MYO5B: variants seen among roughly 807,000 people sequenced by gnomAD.
MYO5B encodes the protein myosin VB.
In MYO5B, 143 loss-of-function variants were observed where a neutral mutation model predicts 229.3. The ratio of observed to expected loss-of-function variants is 0.62; its 90% confidence interval spans 0.54 to 0.72. MYO5B has a LOEUF of 0.72. MYO5B is among the 30% of genes least tolerant of loss of function. The pLI, the probability that MYO5B is intolerant of heterozygous loss-of-function variation, is 0.00. For missense variants in MYO5B, 2,321 were observed against 2,331.0 expected (o/e 1.00, Z 0.09); for synonymous variants, 918 against 885.2 (o/e 1.04, Z -0.66).
chr18:49,934,834 T>C (rs894225819), intron 16 of MYO5B, among the ~76,000 whole-genome samples: 13 of 152,208 alleles, frequency 8.5e-5, no homozygotes, highest in Non-Finnish European at 1.5e-4. Flanking sequence ...CTTTATTACA[T>C]GACCAGAGTG....
chr18:49,898,997 G>C (rs975124875), intron 21 of MYO5B, among the ~76,000 whole-genome samples: 3 of 152,140 alleles, frequency 2.0e-5, no homozygotes, highest in African/African-American at 7.2e-5. Context: ...TGTTACCTTA[G>C]AGATCTCAGG....
At chr18:49,962,847 A>T (rs1210021571) in intron 11 of MYO5B, 102 bp downstream of exon 11, 21 of 994,678 alleles carry the variant, frequency 2.1e-5, no homozygotes, top group Non-Finnish European at 2.9e-5. Context: ...ATCAGAACGT[A>T]GCCAGGGCCC....
At position 50,100,590 on chromosome 18, in the gene MYO5B, C is replaced by T. The variant is rs576935361; in HGVS notation, c.28-45212G>A. Reference sequence around the variant, plus strand: ...TCTCTCCTCTTTCCCCAAAGCACATCGTACTGACTGGTCAGGGTCCAAGAC... The same window carrying T: ...TCTCTCCTCTTTCCCCAAAGCACATTGTACTGACTGGTCAGGGTCCAAGAC... On this transcript the variant is annotated intron_variant, in intron 1 of 39. Transcript: ENST00000285039. Among the ~76,000 whole-genome samples the T allele has an allele frequency of 1.1e-4, 16 of 152,280 alleles. No individual in the cohort carries two copies. The South Asian group carries it at 1.2e-3, about 12-fold the overall frequency.
intron 1 of MYO5B, among the ~76,000 whole-genome samples, chr18:50,143,673 T>C (rs1350482185): frequency 6.6e-6 from 1 of 152,184 alleles, no homozygotes; most frequent in Non-Finnish European, 1.5e-5. Flanking sequence ...GTAGAAGGAA[T>C]AGAAGGCAGG....
chr18:50,053,468 C>A (rs1006811237), intron 2 of MYO5B, among the ~76,000 whole-genome samples: 1 of 152,140 alleles, frequency 6.6e-6, no homozygotes, highest in Non-Finnish European at 1.5e-5. Context: ...TCAACTGAAA[C>A]GAAATCTGCT....
At chr18:50,096,535 C>T (rs958955356) in intron 1 of MYO5B, among the ~76,000 whole-genome samples, 2 of 152,062 alleles carry the variant, frequency 1.3e-5, no homozygotes, top group Non-Finnish European at 2.9e-5. Flanking sequence ...CACTGTGGCT[C>T]CCAGAGCCTC....
At chr18:50,043,613 TATATATAA>T (rs1401489227) in intron 2 of MYO5B, among the ~76,000 whole-genome samples, 5 of 132,038 alleles carry the variant, frequency 3.8e-5, no homozygotes, top group South Asian at 4.3e-4. Flanking sequence ...AATATATAAA[TATATATAA>T]ATATATAAAT....
Position 49,841,405 on chromosome 18 carries a change from C to G in MYO5B, c.4661G>C (p.Cys1554Ser), listed in dbSNP as rs1018431496. 30 of 1,614,092 alleles carry G rather than the reference C, an allele frequency of 1.9e-5. No homozygotes were observed. Among genetic ancestry groups the G allele is most frequent in the Non-Finnish European group, 2.5e-5 (30 of 1,180,030 alleles). ...EMTSFWLSNT[C>S]RLLHCLKQYS... Reference sequence around the variant, plus strand: ...CTGCTTCAGACAGTGAAGAAGGCGGCAGGTGTTGGATAACCAGAATGACGT... The same window carrying G: ...CTGCTTCAGACAGTGAAGAAGGCGGGAGGTGTTGGATAACCAGAATGACGT... Residue 1554 changes from cysteine (C) to serine (S), a missense_variant, in exon 35 of 40, where the codon TGC becomes TCC. Around this residue, in one of 2 missense-constraint regions of MYO5B, gnomAD observed 2,113 missense variants for 2,044.7 expected, o/e 1.03. Coordinates refer to ENST00000285039, the MANE Select transcript of MYO5B (RefSeq NM_001080467.3).
At chr18:50,121,261 T>A (rs1337307272) in intron 1 of MYO5B, among the ~76,000 whole-genome samples, 1 of 152,190 alleles carries the variant, frequency 6.6e-6, no homozygotes, top group Non-Finnish European at 1.5e-5. Flanking sequence ...CTGTCCCTTC[T>A]AGATTATAAG....
intron 29 of MYO5B, among the ~76,000 whole-genome samples, chr18:49,861,717 G>T (rs1460055043): frequency 6.6e-6 from 1 of 152,130 alleles, no homozygotes; most frequent in African/African-American, 2.4e-5. Flanking sequence ...CTCAGGCACA[G>T]GCCACCCGTG....
At chr18:50,017,932 A>G (rs557973197) in intron 4 of MYO5B, among the ~76,000 whole-genome samples, 9 of 152,320 alleles carry the variant, frequency 5.9e-5, no homozygotes, top group African/African-American at 2.2e-4. Context: ...ATTCAAGTGT[A>G]CTTTAAACAC....
chr18:50,160,733 G>A (rs1231233527), intron 1 of MYO5B, among the ~76,000 whole-genome samples: 1 of 152,252 alleles, frequency 6.6e-6, no homozygotes, highest in Admixed American at 6.5e-5. Flanking sequence ...ACTCATCCTA[G>A]TTGTGACCGC....
intron 8 of MYO5B, among the ~76,000 whole-genome samples, chr18:49,982,118 C>T (rs1036055760): frequency 6.6e-6 from 1 of 152,184 alleles, no homozygotes; most frequent in African/African-American, 2.4e-5. Flanking sequence ...TGCTCTGTTG[C>T]TCAGGCTGGA....
intron 5 of MYO5B, among the ~76,000 whole-genome samples, chr18:49,997,191 C>T (rs1331135796): frequency 6.7e-6 from 1 of 148,348 alleles, no homozygotes; most frequent in Admixed American, 6.8e-5. Flanking sequence ...TCGCTGGAGC[C>T]CAGGAGGAAG....
rs546582745 is a variant in MYO5B at position 50,089,808 on chromosome 18, C to A, written c.28-34430G>T. On this transcript the variant is annotated intron_variant, in intron 1 of 39. Coordinates refer to ENST00000285039, the MANE Select transcript of MYO5B (RefSeq NM_001080467.3). ...CACCCAACAAGGCGATTCCCTGGGCCTTTGTGCCCTTGCCCCATGTATTCC... is the reference window on the plus strand; with the variant it reads ...CACCCAACAAGGCGATTCCCTGGGCATTTGTGCCCTTGCCCCATGTATTCC... Among the ~76,000 whole-genome samples, 27 of 152,318 alleles carry A rather than the reference C, an allele frequency of 1.8e-4. No individual in the cohort carries two copies. The South Asian group carries it at 5.6e-3, about 32-fold the overall frequency.
chr18:49,958,919 C>T (rs1191785051), intron 12 of MYO5B, among the ~76,000 whole-genome samples: 1 of 152,110 alleles, frequency 6.6e-6, no homozygotes, highest in Non-Finnish European at 1.5e-5. Context: ...ACCTGCTGAT[C>T]TGATCATTCA....
chr18:49,911,756 T>C (rs1220916329), intron 18 of MYO5B, among the ~76,000 whole-genome samples: 1 of 152,156 alleles, frequency 6.6e-6, no homozygotes, highest in African/African-American at 2.4e-5. Flanking sequence ...ACTTTATTCA[T>C]CCATTGCTGG....
rs142298757 is a variant in MYO5B at position 49,827,117 on chromosome 18, C to T, written c.5395-494G>A. 5.1e-3 allele frequency among the ~76,000 whole-genome samples: 771 copies of T among 152,302 alleles called. 3 individuals are homozygous for T. The highest frequency in any genetic ancestry group is 7.8e-3 in the Non-Finnish European group (532 of 68,028). ...GGATTGGTCCCTCCACTGAAGCTAC[C>T]TTGAAGTAGAAACAGTGATTGTCAA... is the stretch of plus-strand genomic sequence containing the variant. On this transcript the variant is annotated intron_variant, in intron 39 of 39. Transcript: ENST00000285039.
At chr18:50,024,736 G>A (rs1202250306) in intron 4 of MYO5B, among the ~76,000 whole-genome samples, 1 of 152,152 alleles carries the variant, frequency 6.6e-6, no homozygotes, top group Non-Finnish European at 1.5e-5. Context: ...TCCTGGCCAT[G>A]CTGCACTGCC....
Sources: allele counts gnomAD v4.1 joint callset (sites outside exome capture counted in the v4.1 genomes callset), GRCh38; gene constraint gnomAD v4.1.1; regional missense constraint gnomAD v4.1.1; transcripts MANE v1.5; gene names NCBI Gene and HGNC (gene_info 2026-07-23, HGNC 2026-07-21).